Variants in SMAD2 observed in about 807,000 individuals in gnomAD.
SMAD2 encodes SMAD family member 2.
In SMAD2, 8 loss-of-function variants were observed where a neutral mutation model predicts 64.4. The ratio of observed to expected loss-of-function variants is 0.12; its 90% confidence interval spans 0.07 to 0.22. The LOEUF is 0.22. Ranked by LOEUF, SMAD2 falls within the 10% of genes least tolerant of loss-of-function variation. SMAD2 has a pLI of 1.00. For missense variants in SMAD2, 289 were observed against 561.2 expected (o/e 0.51, Z 4.90); for synonymous variants, 203 against 195.8 (o/e 1.04, Z -0.31).
At chr18:47,891,366 G>C (rs1369484878) in intron 2 of SMAD2, among the ~76,000 whole-genome samples, 5 of 152,092 alleles carry the variant, frequency 3.3e-5, no homozygotes, top group Non-Finnish European at 7.4e-5. Flanking sequence ...AAACATCCTG[G>C]AAGGACACAT....
intron 2 of SMAD2, among the ~76,000 whole-genome samples, chr18:47,878,772 G>A (rs1448137280): frequency 1.3e-5 from 2 of 152,164 alleles, no homozygotes; most frequent in Non-Finnish European, 2.9e-5. Flanking sequence ...AGTTCTGTAT[G>A]ATAAAAAATT....
At chr18:47,856,265 T>C (rs545962611) in intron 6 of SMAD2, among the ~76,000 whole-genome samples, 1 of 152,072 alleles carries the variant, frequency 6.6e-6, no homozygotes, top group African/African-American at 2.4e-5. Context: ...TGCCCAGAGA[T>C]CTAATGTACA....
rs1239673820 is a variant in SMAD2 at position 47,896,668 on chromosome 18, C to A, written c.89G>T (p.Gly30Val). 6.2e-7 allele frequency: 1 copy of A among 1,614,048 alleles called. No homozygotes were observed. Among genetic ancestry groups the A allele is most frequent in the Non-Finnish European group, 8.5e-7 (1 of 1,180,028 alleles). Residue 30 changes from glycine (G) to valine (V), a missense_variant, in exon 2 of 11, where the codon GGA becomes GTA. Physicochemically the swap from Gly to Val is moderately radical, Grantham distance 109. This residue lies in a region of SMAD2 where 89 missense variants were observed against 137.1 expected (regional missense o/e 0.65). Coordinates refer to ENST00000262160, the MANE Select transcript of SMAD2 (RefSeq NM_005901.6). ...TTCTTCCTGCCCATTCTGCTCTCCT[C>A]CGCCTGCTCCTCCAGACCCACCAGC... ...KSAGGSGGAG[G>V]GEQNGQEEKW...
intron 1 of SMAD2, among the ~76,000 whole-genome samples, chr18:47,920,482 C>T (rs2034517892): frequency 6.6e-6 from 1 of 152,138 alleles, no homozygotes; most frequent in African/African-American, 2.4e-5. Flanking sequence ...GCTCAATAGC[C>T]ACATGGTGGC....
At chr18:47,856,800 C>T (rs1674281403) in intron 6 of SMAD2, among the ~76,000 whole-genome samples, 1 of 150,702 alleles carries the variant, frequency 6.6e-6, no homozygotes, top group African/African-American at 2.4e-5. Flanking sequence ...TAATTTTTTG[C>T]TAGATGCAAT....
intron 6 of SMAD2, among the ~76,000 whole-genome samples, chr18:47,853,711 ATTAAG>A (rs1384107436): frequency 4.6e-5 from 7 of 152,128 alleles, no homozygotes; most frequent in African/African-American, 9.7e-5. Flanking sequence ...CCACAACATA[ATTAAG>A]TTATGTTCCT....
chr18:47,885,130 T>TACACAC (rs1221476932), intron 2 of SMAD2, among the ~76,000 whole-genome samples: 3 of 64,254 alleles, frequency 4.7e-5, no homozygotes, highest in African/African-American at 2.2e-4. Flanking sequence ...GATTTAGTCA[T>TACACAC]ATACACACAC....
At chr18:47,921,132 G>A (rs1473750581) in intron 1 of SMAD2, among the ~76,000 whole-genome samples, 1 of 152,118 alleles carries the variant, frequency 6.6e-6, no homozygotes, top group African/African-American at 2.4e-5. Flanking sequence ...ACTCCAGCCT[G>A]GGTGACAGAG....
At position 47,839,726 on chromosome 18, in the gene SMAD2, A is replaced by G; in HGVS notation, c.*2101T>C. ...TTTGGATTTGTATAGAGGTTTCTGTATAAAGCATTAATACCTAATCAGGAG... is the reference window on the plus strand; with the variant it reads ...TTTGGATTTGTATAGAGGTTTCTGTGTAAAGCATTAATACCTAATCAGGAG... On this transcript the variant is annotated 3_prime_UTR_variant, in exon 11 of 11. Coordinates refer to ENST00000262160, the MANE Select transcript of SMAD2 (RefSeq NM_005901.6). 1 of 233,398 alleles carries G rather than the reference A, an allele frequency of 4.3e-6. No individual in the cohort carries two copies. The highest frequency in any genetic ancestry group is 8.5e-6 in the Non-Finnish European group (1 of 118,042). 14.5% of individuals were successfully genotyped at this position (233,398 alleles called of 1,614,324 possible). A position where few individuals can be genotyped will look rare whatever the true frequency, so the allele number is the denominator to read the frequency against.
rs1322484505 is a variant in SMAD2 at position 47,868,313 on chromosome 18, G to A, written c.655+10C>T. 8 of 1,611,156 alleles carry A rather than the reference G, an allele frequency of 5.0e-6. No individual in the cohort carries two copies. Among genetic ancestry groups the A allele is most frequent in the Non-Finnish European group, 6.8e-6 (8 of 1,177,876 alleles). On this transcript the variant is annotated intron_variant, in intron 5 of 10. Transcript: ENST00000262160. ...ATCCAAGTTTTAGGAGATTCAGAAG[G>A]CAAAAATACCTGGAATATAATTACT...
At chr18:47,907,444 G>C (rs1478238922) in intron 1 of SMAD2, among the ~76,000 whole-genome samples, 1 of 152,146 alleles carries the variant, frequency 6.6e-6, no homozygotes, top group African/African-American at 2.4e-5. Context: ...TCCCACAACA[G>C]GCAAAACTAA....
At chr18:47,868,538 A>G in intron 4 of SMAD2, 81 bp from the exon 5 acceptor site, 1 of 1,142,524 alleles carries the variant, frequency 8.8e-7, no homozygotes, top group East Asian at 2.4e-5. Flanking sequence ...TTCAACAAGA[A>G]GAGAAGTTGT....
intron 1 of SMAD2, among the ~76,000 whole-genome samples, chr18:47,905,985 G>C (rs1247130402): frequency 6.6e-6 from 1 of 151,898 alleles, no homozygotes; most frequent in African/African-American, 2.4e-5. Flanking sequence ...AGCTGGGCGT[G>C]GTGCCTCCTG....
intron 2 of SMAD2, among the ~76,000 whole-genome samples, chr18:47,891,384 T>C (rs989273788): frequency 6.6e-6 from 1 of 152,022 alleles, no homozygotes; most frequent in African/African-American, 2.4e-5. Context: ...CATGAGGAAC[T>C]AGTAATACAA....
In SMAD2 at chr18:47,833,915, G is replaced by A. The variant is rs145555221; in HGVS notation, c.*7912C>T. The A allele has an allele frequency of 2.1e-4, 47 of 225,150 alleles. 1 individual carries two copies. The East Asian group carries it at 2.8e-3, about 14-fold the overall frequency. The allele number at this position is 225,150 out of a possible 1,614,324, so 13.9% of individuals were successfully genotyped here. ...AGATTAAGTTTAACCCCATAAGGAC[G>A]CATGATTTGTACTTACATATACACA... On this transcript the variant is annotated 3_prime_UTR_variant, in exon 11 of 11. Coordinates refer to ENST00000262160, the MANE Select transcript of SMAD2 (RefSeq NM_005901.6).
chr18:47,908,696 T>C (rs1227389870), intron 1 of SMAD2, among the ~76,000 whole-genome samples: 1 of 152,230 alleles, frequency 6.6e-6, no homozygotes, highest in Non-Finnish European at 1.5e-5. Flanking sequence ...CATACTGTAC[T>C]ACTGTAATAA....
At chr18:47,881,825 T>C (rs954647033) in intron 2 of SMAD2, among the ~76,000 whole-genome samples, 1 of 152,134 alleles carries the variant, frequency 6.6e-6, no homozygotes. Context: ...CCAAGTGAGG[T>C]GATCTTATAG....
chr18:47,852,931 T>C (rs939819589), intron 6 of SMAD2, among the ~76,000 whole-genome samples: 1 of 152,170 alleles, frequency 6.6e-6, no homozygotes, highest in Admixed American at 6.5e-5. Context: ...ATTAAAAATA[T>C]AAAATATATT....
intron 1 of SMAD2, among the ~76,000 whole-genome samples, chr18:47,897,633 TTTTTTA>T (rs1329528079): frequency 6.6e-6 from 1 of 152,122 alleles, no homozygotes; most frequent in Non-Finnish European, 1.5e-5. Context: ...TTGAAATTAT[TTTTTTA>T]TTTTTATTTT....
Sources: gnomAD v4.1 joint callset for allele counts (sites outside exome capture counted in the v4.1 genomes callset) on GRCh38, gnomAD v4.1.1 for gene constraint, gnomAD v4.1.1 regional missense constraint, MANE v1.5 for transcripts, NCBI Gene and HGNC (gene_info 2026-07-23, HGNC 2026-07-21) for gene names.